The following INPP5K variants were observed in gnomAD, a reference collection of about 807,000 sequenced individuals.
INPP5K encodes the protein inositol polyphosphate 5-phosphatase K.
A neutral mutation model predicts 53.5 loss-of-function variants in INPP5K; 35 were observed. The ratio of observed to expected loss-of-function variants is 0.65; its 90% CI spans 0.50 to 0.87. INPP5K has a LOEUF of 0.87. INPP5K is among the 40% of genes least tolerant of loss of function. The probability of loss-of-function intolerance (pLI) is 0.00; values close to 1 mark genes in which losing one functional copy is unlikely to be tolerated. For missense variants in INPP5K, 550 were observed against 586.2 expected, an observed-to-expected ratio of 0.94 and a Z score of 0.64; for synonymous variants, 253 against 232.8, an observed-to-expected ratio of 1.09 and a Z score of -0.79.
Position 1,495,550 on chromosome 17 carries a change from G to A in INPP5K, c.*273C>T, listed in dbSNP as rs2074807061. 1 of 430,276 alleles carries A rather than the reference G, an allele frequency of 2.3e-6. No homozygotes were observed. Among genetic ancestry groups the A allele is most frequent in the Admixed American group, 4.2e-5 (1 of 23,886 alleles). The allele number at this position is 430,276 out of a possible 1,614,324, so 26.7% of individuals were successfully genotyped here. On this transcript the variant is annotated 3_prime_UTR_variant, in exon 12 of 12. Coordinates refer to ENST00000421807, the MANE Select transcript of INPP5K (RefSeq NM_016532.4). ...AGAGGGGGTAGGAATCCAGAAATGA[G>A]ACGCAGAACTGTCCCCAGGTCTTCA...
At chr17:1,496,232 A>C in intron 10 of INPP5K, 68 bp from the exon 11 acceptor site, 1 of 1,497,330 alleles carries the variant, frequency 6.7e-7, no homozygotes, top group Non-Finnish European at 9.2e-7. Context: ...CTGAGTGACA[A>C]GTTATTCAGC....
chr17:1,498,090 C>T lies in INPP5K; in HGVS notation c.809G>A (p.Arg270His), dbSNP rs1457203628. Reference protein sequence around the residue: ...EKKRKPAWTDRILWRLKRQPC... With the variant: ...EKKRKPAWTDHILWRLKRQPC... ...CTGCCGCTTCAGCCTCCACAGGATG[C>T]GATCGGTCCATGCAGGCTTGCGTTT... is the stretch of plus-strand genomic sequence containing the variant. Residue 270 changes from arginine (R) to histidine (H), a missense_variant, in exon 8 of 12, where the codon CGC becomes CAC. Arg to His is a conservative substitution (Grantham distance 29). Coordinates refer to ENST00000421807, the MANE Select transcript of INPP5K (RefSeq NM_016532.4). 15 of 1,613,146 alleles carry T rather than the reference C, an allele frequency of 9.3e-6. No homozygotes were observed. The highest frequency in any genetic ancestry group is 1.3e-5 in the African/African-American group (1 of 74,886).
chr17:1,499,184 C>T lies in INPP5K; in HGVS notation c.777-1062G>A, dbSNP rs185277101. 1.6e-4 allele frequency among the ~76,000 whole-genome samples: 24 copies of T among 152,290 alleles called. No individual in the cohort carries two copies. The South Asian group carries it at 2.3e-3, about 14-fold the overall frequency. ...CACAGTGCTTGGTGCAAAACGAGCT[C>T]GCCATGCACACTGGCCTTTATGATT... is the stretch of plus-strand genomic sequence containing the variant. On this transcript the variant is annotated intron_variant, in intron 7 of 11. Coordinates refer to ENST00000421807, the MANE Select transcript of INPP5K (RefSeq NM_016532.4).
chr17:1,509,493 C>A, intron 4 of INPP5K, 140 bp from the exon 5 acceptor site: 1 of 945,930 alleles, frequency 1.1e-6, no homozygotes. Flanking sequence ...CCAGGGTGAT[C>A]TCTCCATGCA....
At chr17:1,501,179 T>A (rs1054238702) in intron 7 of INPP5K, among the ~76,000 whole-genome samples, 2 of 151,670 alleles carry the variant, frequency 1.3e-5, no homozygotes, top group African/African-American at 4.9e-5. Context: ...AGGCTGGTCT[T>A]GAACTCCTGA....
At chr17:1,508,470 C>A in intron 5 of INPP5K, 2 of 504,862 alleles carry the variant, frequency 4.0e-6, no homozygotes, top group South Asian at 4.2e-5. Flanking sequence ...GTGGCCCTTC[C>A]TTCCTCTCCT....
At chr17:1,501,172 C>A (rs952730668) in intron 7 of INPP5K, among the ~76,000 whole-genome samples, 7 of 151,634 alleles carry the variant, frequency 4.6e-5, no homozygotes, top group East Asian at 1.9e-4. Flanking sequence ...GCTGGCCAGG[C>A]TGGTCTTGAA....
At chr17:1,504,854 C>T (rs2075116690) in intron 7 of INPP5K, among the ~76,000 whole-genome samples, 1 of 152,198 alleles carries the variant, frequency 6.6e-6, no homozygotes, top group African/African-American at 2.4e-5. Context: ...GCAAGGATGA[C>T]CATGAATCCT....
intron 5 of INPP5K, 185 bp from the exon 6 acceptor site, chr17:1,508,411 A>G: frequency 6.9e-6 from 4 of 583,668 alleles, no homozygotes; most frequent in African/African-American, 1.9e-5. Context: ...CACCATTCAA[A>G]CCGGAGAGAC....
At chr17:1,508,648 G>T in intron 5 of INPP5K, 3 of 313,076 alleles carry the variant, frequency 9.6e-6, no homozygotes, top group South Asian at 2.9e-5. Context: ...CACCAGGGAA[G>T]GGTCAGGGAG....
chr17:1,502,221 C>T (rs1039231665), intron 7 of INPP5K, among the ~76,000 whole-genome samples: 26 of 149,996 alleles, frequency 1.7e-4, no homozygotes, highest in Admixed American at 8.6e-4. Flanking sequence ...TGGTGACGGG[C>T]GCCTGTAGTC....
In INPP5K at chr17:1,500,212, C is replaced by G. The variant is rs571499827; in HGVS notation, c.777-2090G>C. On this transcript the variant is annotated intron_variant, in intron 7 of 11. Coordinates refer to ENST00000421807, the MANE Select transcript of INPP5K (RefSeq NM_016532.4). ...TCAGGAGTCTGACCACCCCATCCTT[C>G]ATCTCACACCACTTCCCCAGACCCA... Among the ~76,000 whole-genome samples the G allele has an allele frequency of 3.9e-5, 6 of 152,374 alleles. No individual in the cohort carries two copies. The South Asian group carries it at 1.2e-3, about 32-fold the overall frequency.
chr17:1,495,943 C>G, intron 11 of INPP5K, 64 bp from the exon 12 acceptor site: 1 of 1,473,044 alleles, frequency 6.8e-7, no homozygotes, highest in Non-Finnish European at 9.5e-7. Context: ...TCCATCACCC[C>G]CGTTCCTGCA....
chr17:1,505,326 A>G (rs533849501), intron 7 of INPP5K, among the ~76,000 whole-genome samples: 17 of 151,976 alleles, frequency 1.1e-4, no homozygotes, highest in Non-Finnish European at 2.1e-4. Flanking sequence ...GGGTCTAACT[A>G]TGTTGCCCAG....
chr17:1,507,183 A>T, intron 6 of INPP5K, 94 bp from the exon 7 acceptor site: 1 of 893,110 alleles, frequency 1.1e-6, no homozygotes, highest in Non-Finnish European at 1.8e-6. Context: ...TGCCGTCACA[A>T]ATGGGGCAAG....
chr17:1,509,662 A>G (rs749523123), intron 4 of INPP5K, 21 bp downstream of exon 4: 1 of 1,461,164 alleles, frequency 6.8e-7, no homozygotes, highest in Non-Finnish European at 9.6e-7. Flanking sequence ...CTCACGACTC[A>G]GACAATAGCT....
intron 9 of INPP5K, 49 bp downstream of exon 9, chr17:1,496,617 T>A (rs1394942429): frequency 7.5e-6 from 12 of 1,607,618 alleles, no homozygotes; most frequent in Non-Finnish European, 1.0e-5. Context: ...TCGGGAAGGA[T>A]GAACCAGGGG....
At chr17:1,499,693 C>T (rs1443647588) in intron 7 of INPP5K, among the ~76,000 whole-genome samples, 1 of 152,176 alleles carries the variant, frequency 6.6e-6, no homozygotes, top group Non-Finnish European at 1.5e-5. Flanking sequence ...GCCACCTTGT[C>T]CTTGAGGCCC....
chr17:1,501,384 A>G (rs1397205978), intron 7 of INPP5K, among the ~76,000 whole-genome samples: 1 of 152,200 alleles, frequency 6.6e-6, no homozygotes, highest in Admixed American at 6.5e-5. Flanking sequence ...TGAATCAGAG[A>G]CCAGTTGGGG....
Sources: allele counts gnomAD v4.1 joint callset (sites outside exome capture counted in the v4.1 genomes callset), GRCh38; gene constraint gnomAD v4.1.1; transcripts MANE v1.5; gene names NCBI Gene and HGNC (gene_info 2026-07-23, HGNC 2026-07-21).